The following CPQ variants were observed in gnomAD, a reference collection of about 807,000 sequenced individuals.
CPQ encodes carboxypeptidase Q.
Under a neutral mutation model 45.7 loss-of-function variants are expected in CPQ, and 37 were observed. The ratio of observed to expected loss-of-function variants is 0.81; its 90% CI spans 0.62 to 1.07. The LOEUF is 1.07. Among genes scored for constraint, CPQ ranks in the 50% least tolerant of loss-of-function variants. The pLI is 0.00. For synonymous variants in CPQ, 186 were observed against 205.8 expected (o/e 0.90, Z 0.82); for missense variants, 537 against 572.9 (o/e 0.94, Z 0.64).
chr8:96,843,945 T>C (rs1811651132), intron 3 of CPQ, among the ~76,000 whole-genome samples: 1 of 152,248 alleles, frequency 6.6e-6, no homozygotes, highest in African/African-American at 2.4e-5. Flanking sequence ...GGCTGTCATT[T>C]TTCATCTGCT....
At position 96,937,870 on chromosome 8, in the gene CPQ, T is replaced by TC. The variant is rs1432390758; in HGVS notation, c.850-28064dup. ...TGTCTGCATTCCTTAGACGCTCCTA[T>TC]CATGCTGTGCTAGTCGGGCACTGTG... On this transcript the variant is annotated intron_variant, in intron 4 of 7. Transcript: ENST00000220763. Among the ~76,000 whole-genome samples, 5 of 152,338 alleles carry TC rather than the reference T, an allele frequency of 3.3e-5. No individual in the cohort carries two copies. In the East Asian group the frequency reaches 5.8e-4, roughly 18 times the overall value.
chr8:96,931,915 C>A (rs1319331810), intron 4 of CPQ, among the ~76,000 whole-genome samples: 4 of 152,048 alleles, frequency 2.6e-5, no homozygotes, highest in African/African-American at 4.8e-5. Flanking sequence ...ATTACAGATC[C>A]CTCTGGACTA....
intron 1 of CPQ, among the ~76,000 whole-genome samples, chr8:96,687,488 T>A (rs1282632481): frequency 6.6e-6 from 1 of 152,134 alleles, no homozygotes; most frequent in Non-Finnish European, 1.5e-5. Context: ...GGATTACAGG[T>A]GTGAGCCACT....
At chr8:97,072,925 A>G (rs1810772312) in intron 7 of CPQ, among the ~76,000 whole-genome samples, 1 of 152,148 alleles carries the variant, frequency 6.6e-6, no homozygotes, top group South Asian at 2.1e-4. Context: ...CCTCGACAAA[A>G]TGTCCATGAC....
chr8:96,662,162 C>G (rs115642888), intron 1 of CPQ, among the ~76,000 whole-genome samples: 1,570 of 152,038 alleles, frequency 0.01, 19 homozygotes, highest in African/African-American at 0.032. Context: ...TTTAAGAGTT[C>G]TTTGTATATT....
At chr8:97,035,898 C>G (rs962745621) in intron 6 of CPQ, among the ~76,000 whole-genome samples, 4 of 151,832 alleles carry the variant, frequency 2.6e-5, no homozygotes, top group Non-Finnish European at 4.4e-5. Flanking sequence ...TAGTAGAGAC[C>G]GGGTTTCACC....
At chr8:96,843,572 T>C in intron 3 of CPQ, among the ~76,000 whole-genome samples, 1 of 152,212 alleles carries the variant, frequency 6.6e-6, no homozygotes, top group East Asian at 1.9e-4. Flanking sequence ...TACTAGTCTG[T>C]CTCCCTTTTT....
chr8:97,094,385 T>C (rs1172351807), intron 7 of CPQ, among the ~76,000 whole-genome samples: 1 of 152,184 alleles, frequency 6.6e-6, no homozygotes, highest in Non-Finnish European at 1.5e-5. Context: ...GTTCATGGCA[T>C]GAGTTTTTCC....
intron 6 of CPQ, among the ~76,000 whole-genome samples, chr8:97,044,956 G>A (rs1254151157): frequency 1.3e-5 from 2 of 152,180 alleles, no homozygotes; most frequent in African/African-American, 4.8e-5. Flanking sequence ...ACTTGAGGAG[G>A]CAGTCTGCCC....
At chr8:96,824,084 T>A (rs998819258) in intron 2 of CPQ, among the ~76,000 whole-genome samples, 3 of 152,082 alleles carry the variant, frequency 2.0e-5, no homozygotes, top group African/African-American at 7.2e-5. Flanking sequence ...CTAAATTTTT[T>A]ATGTTTAGTA....
At chr8:97,018,481 C>CA (rs375699851) in intron 5 of CPQ, among the ~76,000 whole-genome samples, 16 of 151,830 alleles carry the variant, frequency 1.1e-4, no homozygotes, top group African/African-American at 3.6e-4. Context: ...GTAAGGAAAT[C>CA]CAAAAAAATG....
chr8:97,013,045 G>T (rs2130442186), intron 5 of CPQ, among the ~76,000 whole-genome samples: 2 of 152,174 alleles, frequency 1.3e-5, no homozygotes, highest in South Asian at 4.1e-4. Flanking sequence ...TAATGGCCCA[G>T]ATCTAATAGG....
intron 7 of CPQ, among the ~76,000 whole-genome samples, chr8:97,123,733 A>T (rs952718039): frequency 4.6e-5 from 7 of 152,126 alleles, no homozygotes; most frequent in African/African-American, 9.7e-5. Flanking sequence ...CAAACTGAAT[A>T]AAAAAAGCAA....
chr8:96,713,172 A>G (rs1017641277), intron 1 of CPQ, among the ~76,000 whole-genome samples: 1 of 152,170 alleles, frequency 6.6e-6, no homozygotes, highest in Non-Finnish European at 1.5e-5. Context: ...AACAAGTCCT[A>G]AAATATTCCA....
At chr8:96,779,798 A>G (rs1373924996) in intron 1 of CPQ, among the ~76,000 whole-genome samples, 1 of 152,164 alleles carries the variant, frequency 6.6e-6, no homozygotes, top group Admixed American at 6.5e-5. Context: ...TTTCAAGAAT[A>G]AATTGCAATC....
intron 4 of CPQ, among the ~76,000 whole-genome samples, chr8:96,941,839 C>T (rs1192622795): frequency 2.0e-5 from 3 of 152,080 alleles, no homozygotes; most frequent in Admixed American, 6.6e-5. Flanking sequence ...ATACATACTG[C>T]GTTGTTAAGT....
chr8:97,131,962 C>T (rs1470352904), intron 7 of CPQ, among the ~76,000 whole-genome samples: 2 of 152,200 alleles, frequency 1.3e-5, no homozygotes, highest in Non-Finnish European at 2.9e-5. Flanking sequence ...ACATTCCCTT[C>T]AATGCCAAGG....
At chr8:96,726,254 G>A (rs1317656002) in intron 1 of CPQ, among the ~76,000 whole-genome samples, 1 of 150,332 alleles carries the variant, frequency 6.7e-6, no homozygotes, top group East Asian at 1.9e-4. Flanking sequence ...AGAAGTGATT[G>A]GGTCATGAGG....
chr8:96,709,284 T>C (rs1809576767), intron 1 of CPQ, among the ~76,000 whole-genome samples: 1 of 152,104 alleles, frequency 6.6e-6, no homozygotes, highest in African/African-American at 2.4e-5. Flanking sequence ...AAATCCATTA[T>C]ACCAAGCTGT....
Sources: allele counts gnomAD v4.1 joint callset (sites outside exome capture counted in the v4.1 genomes callset), GRCh38; gene constraint gnomAD v4.1.1; transcripts MANE v1.5; gene names NCBI Gene and HGNC (gene_info 2026-07-23, HGNC 2026-07-21).